The following RFTN1 variants were observed in gnomAD, a reference collection of about 807,000 sequenced individuals.
RFTN1 encodes the protein raftlin.
A neutral mutation model predicts 46.5 loss-of-function variants in RFTN1; 26 were observed. The ratio of observed to expected loss-of-function variants is 0.56; its 90% confidence interval spans 0.41 to 0.78. The LOEUF (loss-of-function observed/expected upper bound fraction) is 0.78. Ranked by LOEUF, RFTN1 falls within the 30% of genes least tolerant of loss-of-function variation. RFTN1 has a pLI of 0.00. For synonymous variants in RFTN1, 261 were observed against 284.2 expected (o/e 0.92, Z 0.82); for missense variants, 693 against 718.7 (o/e 0.96, Z 0.41).
chr3:16,477,861 A>G (rs2076307459), intron 2 of RFTN1, among the ~76,000 whole-genome samples: 1 of 152,264 alleles, frequency 6.6e-6, no homozygotes. Flanking sequence ...TGGTTGACGC[A>G]GAAGGCATTT....
Position 16,317,387 on chromosome 3 carries a change from C to T in RFTN1, c.1333-155G>A, listed in dbSNP as rs769616974. Reference sequence around the variant, plus strand: ...GGCAGTACAGGCACCAAACTTGAATCGCACACTATCACATCACACCCACCC... The same window carrying T: ...GGCAGTACAGGCACCAAACTTGAATTGCACACTATCACATCACACCCACCC... On this transcript the variant is annotated intron_variant, in intron 9 of 9. Transcript: ENST00000334133. The surrounding 1 kb of genome is among the most constrained non-coding windows in gnomAD (Gnocchi z 4.3). Among the ~76,000 whole-genome samples, 2 of 152,006 alleles carry T rather than the reference C, an allele frequency of 1.3e-5. No individual in the cohort carries two copies. Among genetic ancestry groups the T allele is most frequent in the Non-Finnish European group, 2.9e-5 (2 of 68,006 alleles).
Position 16,507,430 on chromosome 3 carries a change from T to C in RFTN1, c.-9+6012A>G, listed in dbSNP as rs1238672177. On this transcript the variant is annotated intron_variant, in intron 1 of 9. Transcript: ENST00000334133. This position sits in a 1 kb window ranked among gnomAD's most constrained non-coding sequence, Gnocchi z 7.1. ...TTCCAAAATTTGCTAATACATGATA[T>C]GATCAGGTTCCATTAACCAGAGTCT... 1.3e-5 allele frequency among the ~76,000 whole-genome samples: 2 copies of C among 152,198 alleles called. No homozygotes were observed. The highest frequency in any genetic ancestry group is 2.9e-5 in the Non-Finnish European group (2 of 68,032).
Position 16,502,808 on chromosome 3 carries a change from CAGTT to C in RFTN1, c.-8-8935_-8-8932del, listed in dbSNP as rs201903724. On this transcript the variant is annotated intron_variant, in intron 1 of 9. Coordinates refer to ENST00000334133, the MANE Select transcript of RFTN1 (RefSeq NM_015150.2). ...TGAGAGACCCTAAGTCAGAAGCACT[CAGTT>C]AGGCCATTTCTGGATTCCCGACTCA... Among the ~76,000 whole-genome samples the C allele has an allele frequency of 4.7e-3, 715 of 152,340 alleles. 5 individuals carry two copies. The highest frequency in any genetic ancestry group is 0.015 in the African/African-American group (620 of 41,570).
At position 16,507,253 on chromosome 3, in the gene RFTN1, G is replaced by A. The variant is rs9859948; in HGVS notation, c.-9+6189C>T. On this transcript the variant is annotated intron_variant, in intron 1 of 9. Coordinates refer to ENST00000334133, the MANE Select transcript of RFTN1 (RefSeq NM_015150.2). The surrounding 1 kb of genome is among the most constrained non-coding windows in gnomAD (Gnocchi z 7.1). The stretch of plus-strand genomic sequence containing the variant: ...GGGATTACTTGTTGCTCATTATGAA[G>A]ACACCTTTTGACCTACTCTGGCCTA... Among the ~76,000 whole-genome samples the A allele has an allele frequency of 0.5, 75,402 of 151,884 alleles. 19,036 individuals are homozygous for A. The highest frequency in any genetic ancestry group is 0.58 in the East Asian group (3,010 of 5,176).
At chr3:16,324,092 AAAG>A (rs2069400338) in intron 8 of RFTN1, among the ~76,000 whole-genome samples, 2 of 144,932 alleles carry the variant, frequency 1.4e-5, no homozygotes, top group Admixed American at 1.4e-4. Flanking sequence ...GAAGTATTGT[AAAG>A]AAGATCACTG....
rs548309471 is a variant in RFTN1 at position 16,402,139 on chromosome 3, C to T, written c.441+7236G>A. On this transcript the variant is annotated intron_variant, in intron 4 of 9. Transcript: ENST00000334133. This position sits in a 1 kb window ranked among gnomAD's most constrained non-coding sequence, Gnocchi z 4.5. ...CCCCCAGGGCTCCTCATGCTGTGTT[C>T]TTGGTCCTTACAGATGACCCCATCT... Among the ~76,000 whole-genome samples, 22 of 152,336 alleles carry T rather than the reference C, an allele frequency of 1.4e-4. No homozygotes were observed. Among genetic ancestry groups the T allele is most frequent in the African/African-American group, 4.6e-4 (19 of 41,574 alleles).
rs187080032 is a variant in RFTN1, at chr3:16,495,280, C to T, written c.-8-1403G>A. On this transcript the variant is annotated intron_variant, in intron 1 of 9. Transcript: ENST00000334133. ...CATATTTAACTGCTGAAAAGCAAGC[C>T]GGCTGGCATCCACTGGGACAAAGCA... Among the ~76,000 whole-genome samples, 919 of 152,298 alleles carry T rather than the reference C, an allele frequency of 6.0e-3. 10 individuals are homozygous for T. Among genetic ancestry groups the T allele is most frequent in the Admixed American group, 8.1e-3 (124 of 15,298 alleles).
In RFTN1 at chr3:16,353,356, G is replaced by C. The variant is rs1380059873; in HGVS notation, c.1146+4576C>G. Among the ~76,000 whole-genome samples, 1 of 152,210 alleles carries C rather than the reference G, an allele frequency of 6.6e-6. No individual in the cohort carries two copies. Among genetic ancestry groups the C allele is most frequent in the Non-Finnish European group, 1.5e-5 (1 of 68,040 alleles). On this transcript the variant is annotated intron_variant, in intron 7 of 9. Coordinates refer to ENST00000334133, the MANE Select transcript of RFTN1 (RefSeq NM_015150.2). This position sits in a 1 kb window ranked among gnomAD's most constrained non-coding sequence, Gnocchi z 5.4. ...GGAGAGGGGCTGTCTGCAGGCCCAA[G>C]TCAGGGTCTGACGGAGCCTCTTCAA...
chr3:16,468,645 A>C lies in RFTN1; in HGVS notation c.145+25080T>G, dbSNP rs537974330. On this transcript the variant is annotated intron_variant, in intron 2 of 9. Transcript: ENST00000334133. The surrounding 1 kb of genome is among the most constrained non-coding windows in gnomAD (Gnocchi z 4.4). ...CAGCGTTTGAGTAAAAAAAAAAAAA[A>C]AAAAAACTTTACTCAGAAAAAAGAT... Among the ~76,000 whole-genome samples the C allele has an allele frequency of 6.6e-6, 1 of 152,162 alleles. No homozygotes were observed. The highest frequency in any genetic ancestry group is 2.4e-5 in the African/African-American group (1 of 41,542).
intron 8 of RFTN1, among the ~76,000 whole-genome samples, chr3:16,324,515 G>T (rs1206877544): frequency 6.6e-6 from 1 of 151,842 alleles, no homozygotes; most frequent in East Asian, 1.9e-4. Flanking sequence ...TTCCACGTAT[G>T]AGAGAGATTA....
In RFTN1 at chr3:16,433,095, C is replaced by A. The variant is rs1217448285; in HGVS notation, c.332+756G>T. On this transcript the variant is annotated intron_variant, in intron 3 of 9. Transcript: ENST00000334133. The surrounding 1 kb of genome is among the most constrained non-coding windows in gnomAD (Gnocchi z 4.4). ...GTTGGCCAAAAGACAAATCTGATTT[C>A]CTTTCCCAGACTTCATTTTAATTTT... Among the ~76,000 whole-genome samples the A allele has an allele frequency of 1.3e-5, 2 of 152,098 alleles. No individual in the cohort carries two copies. Among genetic ancestry groups the A allele is most frequent in the Non-Finnish European group, 2.9e-5 (2 of 68,012 alleles).
At chr3:16,432,288 T>C (rs1377200294) in intron 3 of RFTN1, among the ~76,000 whole-genome samples, 2 of 152,090 alleles carry the variant, frequency 1.3e-5, no homozygotes, top group African/African-American at 2.4e-5. Flanking sequence ...GAGGCCTATG[T>C]GGGAAACTCT....
intron 2 of RFTN1, among the ~76,000 whole-genome samples, chr3:16,488,646 C>G (rs958430531): frequency 2.0e-5 from 3 of 152,150 alleles, no homozygotes; most frequent in African/African-American, 7.2e-5. Context: ...GTGTTAATGC[C>G]TATTTGTGTC....
In RFTN1 at chr3:16,324,494, A is replaced by G. The variant is rs115293564; in HGVS notation, c.1251-1037T>C. Among the ~76,000 whole-genome samples the G allele has an allele frequency of 7.2e-3, 1,099 of 151,952 alleles. 12 individuals carry two copies. Among genetic ancestry groups the G allele is most frequent in the African/African-American group, 0.025 (1,042 of 41,400 alleles). Reference sequence around the variant, plus strand: ...TTCTACTCTCTGCTTCTATGACTCAACTTTTTTAGATTCCACGTATGAGAG... The same window carrying G: ...TTCTACTCTCTGCTTCTATGACTCAGCTTTTTTAGATTCCACGTATGAGAG... On this transcript the variant is annotated intron_variant, in intron 8 of 9. Coordinates refer to ENST00000334133, the MANE Select transcript of RFTN1 (RefSeq NM_015150.2).
rs990009923 is a variant in RFTN1, at chr3:16,334,424, G to T, written c.1147-7548C>A. ...TCTCACTTCTGGGAATTTAACCTAC[G>T]TATTAAAAAATGAGAAATGCACAGA... On this transcript the variant is annotated intron_variant, in intron 7 of 9. Coordinates refer to ENST00000334133, the MANE Select transcript of RFTN1 (RefSeq NM_015150.2). The surrounding 1 kb of genome is among the most constrained non-coding windows in gnomAD (Gnocchi z 4.3). Among the ~76,000 whole-genome samples, 27 of 152,232 alleles carry T rather than the reference G, an allele frequency of 1.8e-4. No homozygotes were observed. Among genetic ancestry groups the T allele is most frequent in the African/African-American group, 6.0e-4 (25 of 41,538 alleles).
intron 4 of RFTN1, among the ~76,000 whole-genome samples, chr3:16,405,331 C>T (rs1461246158): frequency 6.6e-6 from 1 of 152,184 alleles, no homozygotes; most frequent in African/African-American, 2.4e-5. Flanking sequence ...CTCTCCAAGT[C>T]TGCCCATAGC....
chr3:16,444,801 T>A (rs1247397603), intron 2 of RFTN1, among the ~76,000 whole-genome samples: 1 of 152,248 alleles, frequency 6.6e-6, no homozygotes, highest in African/African-American at 2.4e-5. Flanking sequence ...TTTGCAAACA[T>A]TTATTCCTTG....
Position 16,348,516 on chromosome 3 carries a change from C to G in RFTN1, c.1146+9416G>C, listed in dbSNP as rs764175942. On this transcript the variant is annotated intron_variant, in intron 7 of 9. Transcript: ENST00000334133. This position sits in a 1 kb window ranked among gnomAD's most constrained non-coding sequence, Gnocchi z 6.3. Reference sequence around the variant, plus strand: ...GCTGGAGCCCACTGTGTCCAGGAGGCCTTGTTCAGTCTCTGCTCTCTCCCA... The same window carrying G: ...GCTGGAGCCCACTGTGTCCAGGAGGGCTTGTTCAGTCTCTGCTCTCTCCCA... Among the ~76,000 whole-genome samples, 2 of 152,140 alleles carry G rather than the reference C, an allele frequency of 1.3e-5. No homozygotes were observed. The highest frequency in any genetic ancestry group is 2.9e-5 in the Non-Finnish European group (2 of 68,012).
rs2076777801 is a variant in RFTN1 at position 16,504,955 on chromosome 3, C to T, written c.-9+8487G>A. On this transcript the variant is annotated intron_variant, in intron 1 of 9. Coordinates refer to ENST00000334133, the MANE Select transcript of RFTN1 (RefSeq NM_015150.2). The surrounding 1 kb of genome is among the most constrained non-coding windows in gnomAD (Gnocchi z 4.4). ...GCCCTCCCAACATCCAGGCCCAAAA[C>T]CCCAGTATCAGCCTGCTCCCGCCAC... is the stretch of plus-strand genomic sequence containing the variant. Among the ~76,000 whole-genome samples, 3 of 152,140 alleles carry T rather than the reference C, an allele frequency of 2.0e-5. No homozygotes were observed.
Sources: gnomAD v4.1 joint callset for allele counts (sites outside exome capture counted in the v4.1 genomes callset) on GRCh38, gnomAD v4.1.1 for gene constraint, Gnocchi (gnomAD v3.1) non-coding constraint, MANE v1.5 for transcripts, NCBI Gene and HGNC (gene_info 2026-07-23, HGNC 2026-07-21) for gene names.